The following ROBO1 variants were observed in gnomAD, a reference collection of about 807,000 sequenced individuals.
ROBO1 encodes the protein roundabout guidance receptor 1.
In ROBO1, 149 loss-of-function variants were observed where a neutral mutation model predicts 195.9. That is an observed-to-expected ratio of 0.76 (90% CI 0.67 to 0.87). ROBO1 has a LOEUF of 0.87. Ranked by LOEUF, ROBO1 falls within the 40% of genes least tolerant of loss-of-function variation. The pLI is 0.00. For missense variants in ROBO1, 1,933 were observed against 2,068.3 expected, an observed-to-expected ratio of 0.93 and a Z score of 1.27; for synonymous variants, 816 against 733.2, an observed-to-expected ratio of 1.11 and a Z score of -1.82.
Position 79,056,317 on chromosome 3 carries a change from C to G in ROBO1, c.172+69139G>C, listed in dbSNP as rs2078807699. 2.0e-5 allele frequency among the ~76,000 whole-genome samples: 3 copies of G among 152,110 alleles called. No homozygotes were observed. In the South Asian group the frequency reaches 6.2e-4, roughly 32 times the overall value. ...TTCACCAGTTCGAGCCCAATTTCCC[C>G]AGGCCTATATTCTTCATTATATTGA... On this transcript the variant is annotated intron_variant, in intron 3 of 30. Transcript: ENST00000464233.
chr3:78,749,404 A>G (rs774986967), intron 4 of ROBO1, among the ~76,000 whole-genome samples: 11 of 152,136 alleles, frequency 7.2e-5, no homozygotes, highest in Non-Finnish European at 1.5e-4. Flanking sequence ...GGCCTTTTAT[A>G]ATATATAATG....
chr3:79,599,594 C>G (rs912371966), intron 1 of ROBO1, among the ~76,000 whole-genome samples: 1 of 151,770 alleles, frequency 6.6e-6, no homozygotes, highest in African/African-American at 2.4e-5. Context: ...ATCAAACTTA[C>G]AAATCCTTAG....
chr3:78,916,949 T>C (rs559247901), intron 4 of ROBO1, among the ~76,000 whole-genome samples: 19 of 152,240 alleles, frequency 1.2e-4, no homozygotes, highest in African/African-American at 4.6e-4. Flanking sequence ...TAAGTGTAGG[T>C]TGAGTAAAGA....
At chr3:79,643,972 C>G (rs1945742383) in intron 1 of ROBO1, among the ~76,000 whole-genome samples, 1 of 152,064 alleles carries the variant, frequency 6.6e-6, no homozygotes, top group Admixed American at 6.6e-5. Context: ...ATGCTGTCTA[C>G]TTCACCTACG....
At chr3:78,843,001 C>A (rs538036105) in intron 4 of ROBO1, among the ~76,000 whole-genome samples, 1 of 152,174 alleles carries the variant, frequency 6.6e-6, no homozygotes, top group East Asian at 1.9e-4. Flanking sequence ...ATTTAATTCA[C>A]ATATTGAATA....
intron 2 of ROBO1, among the ~76,000 whole-genome samples, chr3:79,310,113 A>G (rs889768652): frequency 6.6e-6 from 1 of 152,140 alleles, no homozygotes; most frequent in South Asian, 2.1e-4. Context: ...TATCACCTCC[A>G]GATTTGCAAT....
At chr3:79,529,475 TCAAA>T (rs775501138) in intron 2 of ROBO1, among the ~76,000 whole-genome samples, 15 of 152,180 alleles carry the variant, frequency 9.9e-5, no homozygotes, top group African/African-American at 4.8e-5. Flanking sequence ...AGACCCTGTC[TCAAA>T]CAAACAAACA....
At chr3:79,288,162 G>A (rs1000022861) in intron 2 of ROBO1, among the ~76,000 whole-genome samples, 1 of 151,946 alleles carries the variant, frequency 6.6e-6, no homozygotes, top group Non-Finnish European at 1.5e-5. Flanking sequence ...ATAATAATAG[G>A]GTAAAAAACA....
chr3:79,393,210 G>C (rs1171227654), intron 2 of ROBO1, among the ~76,000 whole-genome samples: 1 of 152,166 alleles, frequency 6.6e-6, no homozygotes, highest in Admixed American at 6.5e-5. Flanking sequence ...ATTAGAAATG[G>C]ATGAATGCTG....
intron 1 of ROBO1, among the ~76,000 whole-genome samples, chr3:79,737,188 A>C (rs560760826): frequency 6.6e-6 from 1 of 152,306 alleles, no homozygotes; most frequent in East Asian, 1.9e-4. Context: ...TGAGGCACTT[A>C]GGGTACTTTG....
At chr3:78,978,242 A>G (rs1315505602) in intron 3 of ROBO1, among the ~76,000 whole-genome samples, 1 of 152,088 alleles carries the variant, frequency 6.6e-6, no homozygotes, top group Admixed American at 6.6e-5. Context: ...CAATTCAATT[A>G]ACCAAGGTAG....
chr3:79,359,325 C>A (rs1369486781), intron 2 of ROBO1, among the ~76,000 whole-genome samples: 3 of 151,976 alleles, frequency 2.0e-5, no homozygotes, highest in Non-Finnish European at 1.5e-5. Context: ...TTTCTACTTT[C>A]TTTCTGTCAG....
Position 78,627,368 on chromosome 3 carries a change from C to A in ROBO1, c.3828G>T (p.Gln1276His), listed in dbSNP as rs752246586. Reference protein sequence around the residue: ...SPQEELQPMLQDCPEETGHMQ... With the variant: ...SPQEELQPMLHDCPEETGHMQ... ...TGTGGCCAGTCTCCTCTGGACAATC[C>A]TGTAACATGGGCTGGAGTTCTTCCT... Residue 1276 changes from glutamine (Q) to histidine (H), a missense_variant, in exon 26 of 31, where the codon CAG (glutamine) becomes CAT (histidine). By Grantham distance (24) the Gln-to-His change is conservative (BLOSUM62 0). Around this residue, in one of 3 missense-constraint regions of ROBO1, gnomAD observed 1,737 missense variants for 1,882.5 expected, o/e 0.92. Coordinates refer to ENST00000464233, the MANE Select transcript of ROBO1 (RefSeq NM_002941.4). The A allele has an allele frequency of 6.2e-7, 1 of 1,612,588 alleles. No individual in the cohort carries two copies. The highest frequency in any genetic ancestry group is 1.1e-5 in the South Asian group (1 of 90,736).
chr3:79,163,860 C>T (rs939911933), intron 2 of ROBO1, among the ~76,000 whole-genome samples: 2 of 152,128 alleles, frequency 1.3e-5, no homozygotes, highest in Admixed American at 6.5e-5. Flanking sequence ...TATAAGATGA[C>T]TTCTTCCAGC....
At chr3:79,323,792 A>C (rs2109139366) in intron 2 of ROBO1, among the ~76,000 whole-genome samples, 1 of 152,298 alleles carries the variant, frequency 6.6e-6, no homozygotes, top group South Asian at 2.1e-4. Flanking sequence ...CCCAGGTGTA[A>C]CTACAGTAGC....
chr3:79,517,581 G>A (rs1941005329), intron 2 of ROBO1, among the ~76,000 whole-genome samples: 1 of 152,178 alleles, frequency 6.6e-6, no homozygotes, highest in South Asian at 2.1e-4. Flanking sequence ...AAGTACTAAT[G>A]TAATAGCACT....
In ROBO1 at chr3:79,158,994, C is replaced by A. The variant is rs144853927; in HGVS notation, c.89-33455G>T. 2.9e-4 allele frequency among the ~76,000 whole-genome samples: 44 copies of A among 151,980 alleles called. No homozygotes were observed. The East Asian group carries it at 7.8e-3, about 27-fold the overall frequency. On this transcript the variant is annotated intron_variant, in intron 2 of 30. Transcript: ENST00000464233. ...TTGGAAAGAAGATAAGATATTAATG[C>A]ATGACTAAAGTGGAATTGAAAATGA...
At chr3:79,366,378 C>T (rs2035976934) in intron 2 of ROBO1, among the ~76,000 whole-genome samples, 1 of 152,144 alleles carries the variant, frequency 6.6e-6, no homozygotes, top group Non-Finnish European at 1.5e-5. Flanking sequence ...CTTCATTCTT[C>T]TGATTCACCA....
chr3:79,348,819 T>G (rs2035231293), intron 2 of ROBO1, among the ~76,000 whole-genome samples: 1 of 152,184 alleles, frequency 6.6e-6, no homozygotes, highest in African/African-American at 2.4e-5. Flanking sequence ...TTCTTCCTAT[T>G]TCAAAAGGGA....
Sources: gnomAD v4.1 joint callset for allele counts (sites outside exome capture counted in the v4.1 genomes callset) on GRCh38, gnomAD v4.1.1 for gene constraint, gnomAD v4.1.1 regional missense constraint, MANE v1.5 for transcripts, NCBI Gene and HGNC (gene_info 2026-07-23, HGNC 2026-07-21) for gene names.